The following GPC6 variants were observed in gnomAD, a reference collection of about 807,000 sequenced individuals.
GPC6 encodes glypican-6.
A neutral mutation model predicts 55.2 loss-of-function variants in GPC6; 14 were observed. That is an observed-to-expected ratio of 0.25 (90% CI 0.17 to 0.40). The LOEUF is 0.40. Ranked by LOEUF, GPC6 falls within the 10% of genes least tolerant of loss-of-function variation. The pLI, the probability that GPC6 is intolerant of heterozygous loss-of-function variation, is 1.00. For synonymous variants in GPC6, 278 were observed against 259.6 expected, an observed-to-expected ratio of 1.07 and a Z score of -0.68; for missense variants, 641 against 708.5, an observed-to-expected ratio of 0.90 and a Z score of 1.08.
intron 1 of GPC6, among the ~76,000 whole-genome samples, chr13:93,272,014 TTGTGC>T (rs1056646134): frequency 3.3e-5 from 5 of 152,142 alleles, no homozygotes; most frequent in African/African-American, 1.2e-4. Flanking sequence ...CAAGTTTGTT[TTGTGC>T]TGTGCTGATG....
intron 2 of GPC6, among the ~76,000 whole-genome samples, chr13:93,671,103 C>T (rs1245854623): frequency 6.6e-6 from 1 of 152,112 alleles, no homozygotes; most frequent in East Asian, 1.9e-4. Context: ...AAGTCTGTGC[C>T]ATGAACAACT....
At chr13:93,707,511 A>T (rs1785275268) in intron 2 of GPC6, among the ~76,000 whole-genome samples, 1 of 151,752 alleles carries the variant, frequency 6.6e-6, no homozygotes, top group African/African-American at 2.4e-5. Flanking sequence ...AATCTAAAAC[A>T]ATGTTTCTAC....
intron 1 of GPC6, among the ~76,000 whole-genome samples, chr13:93,498,560 T>A (rs73537665): frequency 0.038 from 5,755 of 152,248 alleles, 365 homozygotes; most frequent in African/African-American, 0.13. Flanking sequence ...AGTGAGTAAG[T>A]CTCATGAGAT....
intron 1 of GPC6, among the ~76,000 whole-genome samples, chr13:93,405,396 A>C (rs548466236): frequency 6.6e-6 from 1 of 152,312 alleles, no homozygotes; most frequent in African/African-American, 2.4e-5. Context: ...ACCAGAATTA[A>C]TGTCTAGCTC....
intron 3 of GPC6, among the ~76,000 whole-genome samples, chr13:93,915,577 T>C (rs532172579): frequency 7.2e-5 from 11 of 152,352 alleles, no homozygotes; most frequent in African/African-American, 2.4e-4. Context: ...GTGGCAGTGT[T>C]CCACTGGAAA....
At chr13:93,257,170 A>G (rs972574819) in intron 1 of GPC6, among the ~76,000 whole-genome samples, 1 of 152,046 alleles carries the variant, frequency 6.6e-6, no homozygotes, top group Non-Finnish European at 1.5e-5. Context: ...GCATGATGGT[A>G]CATGCTTGTA....
At chr13:93,885,157 A>G (rs1296358620) in intron 3 of GPC6, among the ~76,000 whole-genome samples, 1 of 152,028 alleles carries the variant, frequency 6.6e-6, no homozygotes, top group African/African-American at 2.4e-5. Context: ...CTATGTTGGC[A>G]GAGTGCAAAT....
intron 3 of GPC6, among the ~76,000 whole-genome samples, chr13:93,837,053 T>A (rs764246675): frequency 1.1e-4 from 17 of 152,192 alleles, no homozygotes; most frequent in Non-Finnish European, 2.4e-4. Context: ...TCTTGCAAAA[T>A]GTATAGCCTA....
intron 4 of GPC6, among the ~76,000 whole-genome samples, chr13:94,121,360 C>T (rs1187423044): frequency 6.6e-6 from 1 of 152,032 alleles, no homozygotes; most frequent in Non-Finnish European, 1.5e-5. Context: ...TCTCTCTAGC[C>T]AAGGATAATT....
chr13:94,130,436 C>A (rs1886968590), intron 4 of GPC6, among the ~76,000 whole-genome samples: 1 of 152,044 alleles, frequency 6.6e-6, no homozygotes, highest in Non-Finnish European at 1.5e-5. Flanking sequence ...AGTGTTAATA[C>A]CATAGCACTG....
At chr13:93,396,133 C>T (rs1875846388) in intron 1 of GPC6, among the ~76,000 whole-genome samples, 1 of 152,112 alleles carries the variant, frequency 6.6e-6, no homozygotes, top group African/African-American at 2.4e-5. Context: ...TGGTAAAGGT[C>T]ATCTGAAATT....
intron 5 of GPC6, among the ~76,000 whole-genome samples, chr13:94,298,762 A>G (rs560977198): frequency 3.3e-5 from 5 of 152,372 alleles, no homozygotes; most frequent in African/African-American, 1.2e-4. Context: ...TAGTAAAGGA[A>G]ATAGCAAATA....
chr13:93,371,457 G>T (rs1163285436), intron 1 of GPC6, among the ~76,000 whole-genome samples: 6 of 152,098 alleles, frequency 3.9e-5, no homozygotes, highest in African/African-American at 1.4e-4. Flanking sequence ...AATCTTGCAA[G>T]TTATAAAGTA....
chr13:94,191,028 A>G (rs1889376311), intron 4 of GPC6, among the ~76,000 whole-genome samples: 1 of 152,300 alleles, frequency 6.6e-6, no homozygotes, highest in South Asian at 2.1e-4. Flanking sequence ...GATTTTGGAT[A>G]AAGAGTATAC....
At chr13:93,924,195 G>A (rs909026941) in intron 3 of GPC6, among the ~76,000 whole-genome samples, 9 of 152,268 alleles carry the variant, frequency 5.9e-5, no homozygotes, top group Admixed American at 5.2e-4. Flanking sequence ...TTATACATTT[G>A]ATATACAGTA....
chr13:93,700,153 C>T (rs892753968), intron 2 of GPC6, among the ~76,000 whole-genome samples: 1 of 152,072 alleles, frequency 6.6e-6, no homozygotes, highest in African/African-American at 2.4e-5. Context: ...AGCTGTCCAG[C>T]AAGACATGCC....
intron 2 of GPC6, among the ~76,000 whole-genome samples, chr13:93,732,877 T>C (rs1883878061): frequency 6.6e-6 from 1 of 152,182 alleles, no homozygotes; most frequent in Non-Finnish European, 1.5e-5. Flanking sequence ...ATAATATCAT[T>C]TTTACATGTC....
chr13:94,051,127 T>C (rs189063413), intron 4 of GPC6, among the ~76,000 whole-genome samples: 1 of 152,278 alleles, frequency 6.6e-6, no homozygotes, highest in Admixed American at 6.5e-5. Context: ...AGCTCTGTAA[T>C]GGAATATTAC....
At chr13:93,541,732 G>C in intron 1 of GPC6, among the ~76,000 whole-genome samples, 1 of 147,780 alleles carries the variant, frequency 6.8e-6, no homozygotes, top group Non-Finnish European at 1.5e-5. Flanking sequence ...ACTGCTGTGA[G>C]ATGGTATCTC....
Sources: allele counts gnomAD v4.1 joint callset (sites outside exome capture counted in the v4.1 genomes callset), GRCh38; gene constraint gnomAD v4.1.1; transcripts MANE v1.5; gene names NCBI Gene and HGNC (gene_info 2026-07-23, HGNC 2026-07-21).